SGCZ: variants seen among roughly 807,000 people sequenced by gnomAD.
The protein encoded by SGCZ is sarcoglycan zeta.
SGCZ carries 40 observed loss-of-function variants against 41.3 expected under a neutral mutation model. That is an observed-to-expected ratio of 0.97 (90% confidence interval 0.75 to 1.26). The LOEUF (loss-of-function observed/expected upper bound fraction) is 1.26, where lower values mean the gene tolerates loss of function less well. Ranked by LOEUF, SGCZ falls within the 50% of genes most tolerant of loss-of-function variation. The pLI, the probability that SGCZ is intolerant of heterozygous loss-of-function variation, is 0.00. For synonymous variants in SGCZ, 206 were observed against 137.5 expected, an observed-to-expected ratio of 1.50 and a Z score of -3.49; for missense variants, 552 against 369.8, an observed-to-expected ratio of 1.49 and a Z score of -4.04.
chr8:14,239,580 C>G (rs2042760), intron 3 of SGCZ, among the ~76,000 whole-genome samples: 145,802 of 152,186 alleles, frequency 0.96, 69,876 homozygotes, highest in East Asian at 0.98. Context: ...GAGTAAAACA[C>G]CATAAGCATT....
intron 3 of SGCZ, among the ~76,000 whole-genome samples, chr8:14,286,840 T>C (rs558055110): frequency 1.8e-4 from 28 of 152,236 alleles, no homozygotes; most frequent in African/African-American, 5.8e-4. Context: ...TGAAGCAATT[T>C]GTATTCCCAT....
At chr8:15,202,736 T>C (rs1250217911) in intron 1 of SGCZ, among the ~76,000 whole-genome samples, 2 of 152,164 alleles carry the variant, frequency 1.3e-5, no homozygotes, top group East Asian at 3.9e-4. Flanking sequence ...GAATTGATAG[T>C]AGGAACTATC....
Position 14,702,805 on chromosome 8 carries a change from G to A in SGCZ, c.40-147879C>T, listed in dbSNP as rs1809188136. On this transcript the variant is annotated intron_variant, in intron 1 of 7. Coordinates refer to ENST00000382080, the MANE Select transcript of SGCZ (RefSeq NM_139167.4). Reference sequence around the variant, plus strand: ...GACAGACAGACAGGCAGACAGGTAGGTAGTTAGGTAGATAGATAGATAGAT... The same window carrying A: ...GACAGACAGACAGGCAGACAGGTAGATAGTTAGGTAGATAGATAGATAGAT... Among the ~76,000 whole-genome samples, 2 of 135,166 alleles carry A rather than the reference G, an allele frequency of 1.5e-5. 1 individual carries two copies. Among genetic ancestry groups the A allele is most frequent in the African/African-American group, 5.4e-5 (2 of 36,834 alleles). 88.7% of individuals were successfully genotyped at this position (135,166 alleles called of 152,430 possible).
chr8:14,190,551 G>A lies in SGCZ; in HGVS notation c.425-25849C>T, dbSNP rs73217598. Among the ~76,000 whole-genome samples the A allele has an allele frequency of 9.0e-3, 1,373 of 152,044 alleles. 9 individuals carry two copies. The highest frequency in any genetic ancestry group is 0.014 in the Non-Finnish European group (942 of 67,984). ...TGAGGTGGAGAATTAATTTCCTTTG[G>A]ATATGTACACAGAAGAGGGATTGTT... On this transcript the variant is annotated intron_variant, in intron 4 of 7. Transcript: ENST00000382080.
At chr8:14,316,274 A>C (rs1801712217) in intron 3 of SGCZ, among the ~76,000 whole-genome samples, 1 of 152,056 alleles carries the variant, frequency 6.6e-6, no homozygotes, top group African/African-American at 2.4e-5. Flanking sequence ...GCAATAATTC[A>C]TAGTAAAATA....
At chr8:14,864,385 C>T (rs978893182) in intron 1 of SGCZ, among the ~76,000 whole-genome samples, 15 of 152,090 alleles carry the variant, frequency 9.9e-5, no homozygotes, top group African/African-American at 3.6e-4. Flanking sequence ...TTTCCATAAC[C>T]TAGACTTTTA....
chr8:14,798,967 C>T (rs1255087747), intron 1 of SGCZ, among the ~76,000 whole-genome samples: 1 of 151,732 alleles, frequency 6.6e-6, no homozygotes, highest in African/African-American at 2.4e-5. Flanking sequence ...ACTTCATATA[C>T]TGTAAATAAG....
chr8:15,003,774 G>C (rs6530823), intron 1 of SGCZ, among the ~76,000 whole-genome samples: 77,313 of 151,846 alleles, frequency 0.51, 19,954 homozygotes, highest in South Asian at 0.54. Flanking sequence ...TTTTTGGCAA[G>C]AATGTAACCC....
At chr8:14,450,928 G>A (rs1870817) in intron 2 of SGCZ, among the ~76,000 whole-genome samples, 23,984 of 152,090 alleles carry the variant, frequency 0.16, 1,990 homozygotes, top group African/African-American at 0.22. Context: ...TCTTGGGGCA[G>A]ACAGAATATG....
At chr8:15,100,558 T>A (rs1157207003) in intron 1 of SGCZ, among the ~76,000 whole-genome samples, 1 of 152,204 alleles carries the variant, frequency 6.6e-6, no homozygotes, top group African/African-American at 2.4e-5. Flanking sequence ...ACAATCTCCA[T>A]GAAATCACCA....
intron 1 of SGCZ, among the ~76,000 whole-genome samples, chr8:14,568,077 C>T (rs185839084): frequency 9.3e-6 from 1 of 107,404 alleles, no homozygotes; most frequent in Non-Finnish European, 1.8e-5. Flanking sequence ...ACTAAAGAAC[C>T]TTTGCAGGCA....
intron 1 of SGCZ, among the ~76,000 whole-genome samples, chr8:15,176,881 G>C (rs867578892): frequency 2.6e-5 from 4 of 152,098 alleles, no homozygotes; most frequent in African/African-American, 7.2e-5. Flanking sequence ...GGCGCCTGTA[G>C]TCCCAGCTAC....
At chr8:15,192,902 A>T (rs756118725) in intron 1 of SGCZ, among the ~76,000 whole-genome samples, 3 of 152,104 alleles carry the variant, frequency 2.0e-5, no homozygotes, top group Non-Finnish European at 4.4e-5. Context: ...CATTTAAAAA[A>T]ATATATTGGA....
chr8:14,483,163 A>T (rs962536053), intron 2 of SGCZ, among the ~76,000 whole-genome samples: 1 of 152,174 alleles, frequency 6.6e-6, no homozygotes, highest in African/African-American at 2.4e-5. Context: ...CAATAGCCTG[A>T]CTTTGTATCT....
chr8:15,140,827 C>T (rs12056694), intron 1 of SGCZ, among the ~76,000 whole-genome samples: 28,814 of 152,100 alleles, frequency 0.19, 3,801 homozygotes, highest in African/African-American at 0.37. Flanking sequence ...TCTATCTTCT[C>T]ATGAGAACCT....
At chr8:15,176,620 T>C (rs554503768) in intron 1 of SGCZ, among the ~76,000 whole-genome samples, 2 of 152,334 alleles carry the variant, frequency 1.3e-5, no homozygotes, top group Non-Finnish European at 2.9e-5. Flanking sequence ...TTAAATCCAA[T>C]AATTGAAAAT....
At chr8:14,367,567 T>G (rs1803758320) in intron 2 of SGCZ, among the ~76,000 whole-genome samples, 1 of 152,058 alleles carries the variant, frequency 6.6e-6, no homozygotes, top group African/African-American at 2.4e-5. Context: ...TGGGGAGGCC[T>G]CAGGAAACTT....
At chr8:15,110,744 G>A (rs989409479) in intron 1 of SGCZ, among the ~76,000 whole-genome samples, 5 of 152,222 alleles carry the variant, frequency 3.3e-5, no homozygotes, top group East Asian at 3.9e-4. Context: ...CAAGGCGGGC[G>A]GATCACCTGA....
chr8:14,226,123 A>C (rs934347505), intron 4 of SGCZ, among the ~76,000 whole-genome samples: 3 of 152,114 alleles, frequency 2.0e-5, no homozygotes, highest in African/African-American at 7.2e-5. Context: ...TAAATTCCCC[A>C]CTGGACCTGA....
Sources: gnomAD v4.1 joint callset for allele counts (sites outside exome capture counted in the v4.1 genomes callset) on GRCh38, gnomAD v4.1.1 for gene constraint, MANE v1.5 for transcripts, NCBI Gene and HGNC (gene_info 2026-07-23, HGNC 2026-07-21) for gene names.